Variants in RPTOR observed in about 807,000 individuals in gnomAD.
The protein encoded by RPTOR is regulatory-associated protein of mTOR.
A neutral mutation model predicts 169.9 loss-of-function variants in RPTOR; 21 were observed. That is an observed-to-expected ratio of 0.12 (90% CI 0.09 to 0.18). The LOEUF is 0.18. Among genes scored for constraint, RPTOR ranks in the 10% least tolerant of loss-of-function variants. The probability of loss-of-function intolerance (pLI) is 1.00; values close to 1 mark genes in which losing one functional copy is unlikely to be tolerated. For missense variants in RPTOR, 1,133 were observed against 1,855.9 expected, an observed-to-expected ratio of 0.61 and a Z score of 7.16; for synonymous variants, 732 against 753.2, an observed-to-expected ratio of 0.97 and a Z score of 0.46.
At chr17:80,588,615 A>G (rs931758505) in intron 1 of RPTOR, among the ~76,000 whole-genome samples, 7 of 152,346 alleles carry the variant, frequency 4.6e-5, no homozygotes, top group South Asian at 2.1e-4. Flanking sequence ...GCTGGATTCT[A>G]TATGGAAGTT....
chr17:80,826,770 G>C (rs187535027), intron 9 of RPTOR, among the ~76,000 whole-genome samples: 1 of 152,220 alleles, frequency 6.6e-6, no homozygotes, highest in East Asian at 1.9e-4. Flanking sequence ...GTGGGCCCCC[G>C]TGCCGTCACC....
chr17:80,908,227 A>G (rs867823700), intron 20 of RPTOR, among the ~76,000 whole-genome samples: 10 of 152,238 alleles, frequency 6.6e-5, no homozygotes, highest in South Asian at 2.1e-4. Flanking sequence ...TATGCAGCAC[A>G]GAACCTTGCA....
chr17:80,754,177 C>A lies in RPTOR; in HGVS notation c.822C>A (p.Ala274=), dbSNP rs1250352666. 2 of 1,603,510 alleles carry A rather than the reference C, an allele frequency of 1.2e-6. No homozygotes were observed. Among genetic ancestry groups the A allele is most frequent in the African/African-American group, 2.7e-5 (2 of 74,914 alleles). Residue 274 remains alanine, a synonymous_variant, in exon 6 of 34, where the codon GCC becomes GCA. Coordinates refer to ENST00000306801, the MANE Select transcript of RPTOR (RefSeq NM_020761.3). This position sits in a 1 kb window ranked among gnomAD's most constrained non-coding sequence, Gnocchi z 4.2. The part of the protein sequence containing the change: ...TSCLTTPIKI[A]LRWFCMQKCV... The stretch of plus-strand genomic sequence containing the variant: ...GCCTCACCACCCCCATCAAGATCGC[C>A]CTGCGCTGGTGAGTGGCCCCTGCTG...
chr17:80,956,718 G>A (rs1370188146), intron 28 of RPTOR, among the ~76,000 whole-genome samples: 6 of 152,244 alleles, frequency 3.9e-5, no homozygotes, highest in Admixed American at 3.3e-4. Context: ...AGACGTTGCT[G>A]GAAGGCACTG....
chr17:80,665,346 T>C lies in RPTOR; in HGVS notation c.348+21536T>C, dbSNP rs1431905038. Among the ~76,000 whole-genome samples the C allele has an allele frequency of 2.3e-3, 16 of 6,966 alleles. 1 individual carries two copies. The highest frequency in any genetic ancestry group is 7.2e-3 in the African/African-American group (15 of 2,076). The allele number at this position is 6,966 out of a possible 152,430, so 4.6% of individuals were successfully genotyped here. A position where few individuals can be genotyped will look rare whatever the true frequency, so the allele number is the denominator to read the frequency against. ...CTTTTCTTTTCCCTTTCCTTTCCTT[T>C]CCTTTCCTTTCCTTTCCTTTCCTTT... On this transcript the variant is annotated intron_variant, in intron 3 of 33. Coordinates refer to ENST00000306801, the MANE Select transcript of RPTOR (RefSeq NM_020761.3).
intron 4 of RPTOR, among the ~76,000 whole-genome samples, chr17:80,715,765 T>G (rs758754354): frequency 1.3e-5 from 2 of 151,678 alleles, no homozygotes; most frequent in African/African-American, 4.8e-5. Context: ...ATCATTCTTA[T>G]GCCTTTGTGT....
At chr17:80,735,818 A>G (rs1304796263) in intron 5 of RPTOR, among the ~76,000 whole-genome samples, 1 of 152,118 alleles carries the variant, frequency 6.6e-6, no homozygotes, top group African/African-American at 2.4e-5. Flanking sequence ...GAGCCATGGA[A>G]ATAGCCTGAG....
chr17:80,818,020 G>A (rs1469167583), intron 7 of RPTOR, among the ~76,000 whole-genome samples: 3 of 152,232 alleles, frequency 2.0e-5, no homozygotes, highest in African/African-American at 4.8e-5. Context: ...GGGGAAGGTG[G>A]AGATAAACCC....
chr17:80,586,433 C>T (rs1486422147), intron 1 of RPTOR, among the ~76,000 whole-genome samples: 3 of 152,214 alleles, frequency 2.0e-5, no homozygotes, highest in East Asian at 1.9e-4. Flanking sequence ...TTTCACTCCA[C>T]TTTCCATTTG....
At chr17:80,865,594 A>C (rs1220456312) in intron 13 of RPTOR, among the ~76,000 whole-genome samples, 2 of 152,310 alleles carry the variant, frequency 1.3e-5, no homozygotes, top group Middle Eastern at 3.4e-3. Context: ...TTCATCATTC[A>C]TCAAGAGAAC....
rs1003937123 is a variant in RPTOR, at chr17:80,964,394, G to A, written c.*64G>A. ...GTACATAGTGAAGCTGTCACTCGCC[G>A]GGGCACGGGGCGTCGGCTGCTGCGG... On this transcript the variant is annotated 3_prime_UTR_variant, in exon 34 of 34. Transcript: ENST00000306801. 93 of 1,528,096 alleles carry A rather than the reference G, an allele frequency of 6.1e-5. 1 individual carries two copies. Among genetic ancestry groups the A allele is most frequent in the South Asian group, 3.9e-4 (35 of 89,664 alleles). The allele number at this position is 1,528,096 out of a possible 1,614,324, so 94.7% of individuals were successfully genotyped here. A position where few individuals can be genotyped will look rare whatever the true frequency, so the allele number is the denominator to read the frequency against.
chr17:80,551,225 C>A (rs544757489), intron 1 of RPTOR, among the ~76,000 whole-genome samples: 1 of 152,172 alleles, frequency 6.6e-6, no homozygotes, highest in East Asian at 1.9e-4. Flanking sequence ...GTGGGTTGCC[C>A]CTCCACACCT....
chr17:80,922,780 G>T lies in RPTOR; in HGVS notation c.2577G>T (p.Ser859=). 6.3e-7 allele frequency: 1 copy of T among 1,579,256 alleles called. No homozygotes were observed. The change falls in exon 22 of 34, where the codon TCG becomes TCT. Residue 859 remains serine (S), a synonymous_variant. Coordinates refer to ENST00000306801, the MANE Select transcript of RPTOR (RefSeq NM_020761.3). The part of the protein sequence containing the change: ...RVLDTSSLTQ[S]APASPTNKGV... ...TGGACACCTCCTCCCTCACGCAGTC[G>T]GCCCCCGCCAGCCCCACCAACAAGG...
rs531217065 is a variant in RPTOR, at chr17:80,739,124, T to C, written c.654+8418T>C. Among the ~76,000 whole-genome samples the C allele has an allele frequency of 1.0e-4, 5 of 48,934 alleles. No homozygotes were observed. In the East Asian group the frequency reaches 2.3e-3, roughly 23 times the overall value. The allele number at this position is 48,934 out of a possible 152,430, so 32.1% of individuals were successfully genotyped here. On this transcript the variant is annotated intron_variant, in intron 5 of 33. Coordinates refer to ENST00000306801, the MANE Select transcript of RPTOR (RefSeq NM_020761.3). ...GCAGGACCCATCTGCCTGGCCCTGCTTGCTGTCGCGGGAACACCTCTGCCG... is the reference window on the plus strand; with the variant it reads ...GCAGGACCCATCTGCCTGGCCCTGCCTGCTGTCGCGGGAACACCTCTGCCG...
intron 24 of RPTOR, among the ~76,000 whole-genome samples, chr17:80,934,001 G>A (rs1474422891): frequency 1.3e-5 from 2 of 151,474 alleles, no homozygotes; most frequent in African/African-American, 4.9e-5. Flanking sequence ...GGGTTCAGCG[G>A]TGCAATACCT....
At chr17:80,701,269 T>C (rs2066098632) in intron 3 of RPTOR, among the ~76,000 whole-genome samples, 1 of 152,188 alleles carries the variant, frequency 6.6e-6, no homozygotes, top group South Asian at 2.1e-4. Context: ...GGTGGAATCA[T>C]GGGAAAGGGC....
chr17:80,558,838 A>G (rs2084443015), intron 1 of RPTOR, among the ~76,000 whole-genome samples: 1 of 152,152 alleles, frequency 6.6e-6, no homozygotes, highest in South Asian at 2.1e-4. Flanking sequence ...ACCCAGGATC[A>G]CACGTTGCAT....
intron 7 of RPTOR, among the ~76,000 whole-genome samples, chr17:80,810,521 T>C (rs1252600866): frequency 6.6e-6 from 1 of 152,262 alleles, no homozygotes. Flanking sequence ...AAGATAGGAA[T>C]ACCACATTAC....
At chr17:80,914,524 C>A (rs779333312) in intron 21 of RPTOR, among the ~76,000 whole-genome samples, 1 of 152,218 alleles carries the variant, frequency 6.6e-6, no homozygotes, top group Non-Finnish European at 1.5e-5. Flanking sequence ...GTGCCCCTAC[C>A]CCTGCAGGCT....
Sources: gnomAD v4.1 joint callset for allele counts (sites outside exome capture counted in the v4.1 genomes callset) on GRCh38, gnomAD v4.1.1 for gene constraint, Gnocchi (gnomAD v3.1) non-coding constraint, MANE v1.5 for transcripts, NCBI Gene and HGNC (gene_info 2026-07-23, HGNC 2026-07-21) for gene names.